Variants in ALK observed in about 807,000 individuals in gnomAD.
ALK encodes the protein ALK receptor tyrosine kinase.
A neutral mutation model predicts 163.1 loss-of-function variants in ALK; 74 were observed. The ratio of observed to expected loss-of-function variants is 0.45; its 90% confidence interval spans 0.38 to 0.55. The LOEUF (loss-of-function observed/expected upper bound fraction) is 0.55. Among genes scored for constraint, ALK ranks in the 20% least tolerant of loss-of-function variants. ALK has a pLI of 0.00. For synonymous variants in ALK, 960 were observed against 843.2 expected (o/e 1.14, Z -2.40); for missense variants, 2,063 against 2,105.3 (o/e 0.98, Z 0.39).
chr2:29,524,109 A>T (rs1672890243), intron 4 of ALK, among the ~76,000 whole-genome samples: 1 of 152,106 alleles, frequency 6.6e-6, no homozygotes, highest in South Asian at 2.1e-4. Flanking sequence ...GTGATCTTGA[A>T]CGGGGCTTTA....
chr2:29,461,450 G>A (rs1671081521), intron 4 of ALK, among the ~76,000 whole-genome samples: 1 of 152,160 alleles, frequency 6.6e-6, no homozygotes, highest in Admixed American at 6.5e-5. Flanking sequence ...CTTTTGTTAA[G>A]GGCAAATGCA....
At chr2:29,223,853 A>G (rs2148172084) in intron 19 of ALK, 3 of 424,552 alleles carry the variant, frequency 7.1e-6, no homozygotes, top group South Asian at 5.8e-5. Context: ...AGATTTTATT[A>G]GAAGAAATGC....
At chr2:29,368,097 T>C (rs1410112637) in intron 5 of ALK, among the ~76,000 whole-genome samples, 1 of 152,184 alleles carries the variant, frequency 6.6e-6, no homozygotes, top group Non-Finnish European at 1.5e-5. Context: ...GATGGCTTAG[T>C]GTTTAGCAGG....
At chr2:29,793,528 T>C (rs1664237168) in intron 1 of ALK, among the ~76,000 whole-genome samples, 1 of 152,190 alleles carries the variant, frequency 6.6e-6, no homozygotes, top group Non-Finnish European at 1.5e-5. Context: ...AATCACTATC[T>C]ATGGCAGCTA....
At chr2:29,497,317 C>T (rs545984269) in intron 4 of ALK, among the ~76,000 whole-genome samples, 31 of 152,240 alleles carry the variant, frequency 2.0e-4, no homozygotes, top group African/African-American at 6.7e-4. Context: ...ATCACAGGCT[C>T]TGCCACCAGA....
intron 4 of ALK, among the ~76,000 whole-genome samples, chr2:29,397,154 T>A (rs1397834941): frequency 1.3e-5 from 2 of 152,134 alleles, no homozygotes; most frequent in Non-Finnish European, 2.9e-5. Flanking sequence ...CTTTATGTGA[T>A]AACAGGATCT....
At chr2:29,531,564 C>T (rs561985414) in intron 4 of ALK, among the ~76,000 whole-genome samples, 1 of 152,264 alleles carries the variant, frequency 6.6e-6, no homozygotes, top group South Asian at 2.1e-4. Flanking sequence ...CCAGTTTCTA[C>T]CATATTAAAT....
intron 3 of ALK, among the ~76,000 whole-genome samples, chr2:29,685,314 C>T (rs1364876469): frequency 6.6e-6 from 1 of 152,098 alleles, no homozygotes; most frequent in Non-Finnish European, 1.5e-5. Context: ...TAGCCTTATC[C>T]CAGGTGCCCC....
chr2:29,515,181 G>T (rs1357593047), intron 4 of ALK, among the ~76,000 whole-genome samples: 1 of 152,092 alleles, frequency 6.6e-6, no homozygotes, highest in African/African-American at 2.4e-5. Context: ...TTTCACACTT[G>T]AGTTCAAATG....
At chr2:29,849,477 C>A (rs1665938353) in intron 1 of ALK, among the ~76,000 whole-genome samples, 1 of 152,244 alleles carries the variant, frequency 6.6e-6, no homozygotes, top group Non-Finnish European at 1.5e-5. Flanking sequence ...CCTAAGTGCT[C>A]GGCCAAATGT....
chr2:29,827,337 C>G (rs900872500), intron 1 of ALK, among the ~76,000 whole-genome samples: 3 of 152,208 alleles, frequency 2.0e-5, no homozygotes, highest in African/African-American at 7.2e-5. Flanking sequence ...ATGCAAAACC[C>G]AATTGACCTT....
intron 4 of ALK, among the ~76,000 whole-genome samples, chr2:29,508,541 T>A (rs1370868029): frequency 2.0e-5 from 3 of 151,856 alleles, no homozygotes; most frequent in Non-Finnish European, 4.4e-5. Flanking sequence ...CACTGGTGCC[T>A]GTCATGGGGT....
rs181836969 is a variant in ALK, at chr2:29,869,567, A to G, written c.667+50426T>C. ...AACAATTGGTTAACTATATGGAAGA[A>G]AATCAATTTAGATCCTACACTTAAA... On this transcript the variant is annotated intron_variant, in intron 1 of 28. Coordinates refer to ENST00000389048, the MANE Select transcript of ALK (RefSeq NM_004304.5). Among the ~76,000 whole-genome samples the G allele has an allele frequency of 2.0e-5, 3 of 152,308 alleles. No homozygotes were observed. The East Asian group carries it at 5.8e-4, about 29-fold the overall frequency.
intron 4 of ALK, among the ~76,000 whole-genome samples, chr2:29,407,383 C>T (rs961682445): frequency 6.6e-6 from 1 of 152,244 alleles, no homozygotes; most frequent in African/African-American, 2.4e-5. Flanking sequence ...GTGTTAAGCA[C>T]TTCTAAGCCA....
chr2:29,256,299 T>C (rs1238418141), intron 11 of ALK, among the ~76,000 whole-genome samples: 1 of 152,042 alleles, frequency 6.6e-6, no homozygotes. Context: ...TGAGAGGTAA[T>C]CTCCACTCAC....
chr2:29,877,760 C>T (rs143347132), intron 1 of ALK, among the ~76,000 whole-genome samples: 51 of 152,270 alleles, frequency 3.3e-4, no homozygotes, highest in African/African-American at 9.9e-4. Context: ...CCTGTACTTT[C>T]GGAGTCAGGT....
At chr2:29,300,723 A>G (rs1169680064) in intron 8 of ALK, among the ~76,000 whole-genome samples, 1 of 152,180 alleles carries the variant, frequency 6.6e-6, no homozygotes, top group African/African-American at 2.4e-5. Flanking sequence ...CCAATGCAAG[A>G]TTACCCAACA....
intron 1 of ALK, among the ~76,000 whole-genome samples, chr2:29,885,871 T>C (rs1226146315): frequency 6.6e-6 from 1 of 152,218 alleles, no homozygotes; most frequent in Non-Finnish European, 1.5e-5. Flanking sequence ...TGATATTGTA[T>C]AGAAACATTT....
intron 1 of ALK, among the ~76,000 whole-genome samples, chr2:29,879,811 G>T (rs747314360): frequency 6.6e-6 from 1 of 152,184 alleles, no homozygotes; most frequent in Non-Finnish European, 1.5e-5. Context: ...TCTTCCCTTT[G>T]GTAAGAAGCA....
Sources: allele counts gnomAD v4.1 joint callset (sites outside exome capture counted in the v4.1 genomes callset), GRCh38; gene constraint gnomAD v4.1.1; transcripts MANE v1.5; gene names NCBI Gene and HGNC (gene_info 2026-07-23, HGNC 2026-07-21).